KGD4: variants seen among roughly 807,000 people sequenced by gnomAD.
The protein encoded by KGD4 is alpha-ketoglutarate dehydrogenase component 4.
chr5:69,218,088 G>A, the KGD4 span: 2 of 672,558 alleles, frequency 3.0e-6, no homozygotes, highest in East Asian at 2.7e-5. Context: ...CGAGCCTTGC[G>A]GCAACCGTGC....
At chr5:69,224,290 C>G in the KGD4 span, among the ~76,000 whole-genome samples, 1 of 151,522 alleles carries the variant, frequency 6.6e-6, no homozygotes, top group Non-Finnish European at 1.5e-5. Flanking sequence ...ACTCAGGAGG[C>G]TGAGGCAGGA....
At chr5:69,225,936 G>C in the KGD4 span, among the ~76,000 whole-genome samples, 29 of 152,204 alleles carry the variant, frequency 1.9e-4, no homozygotes, top group African/African-American at 6.7e-4. Context: ...TCACCATGTT[G>C]CCCAGGCTGG....
chr5:69,220,099 T>C, the KGD4 span, among the ~76,000 whole-genome samples: 91,226 of 151,584 alleles, frequency 0.6, 27,948 homozygotes, highest in African/African-American at 0.72. Flanking sequence ...AGCATGGTGA[T>C]GTGCACCTGT....
the KGD4 span, among the ~76,000 whole-genome samples, chr5:69,220,743 A>G: frequency 6.6e-6 from 1 of 152,204 alleles, no homozygotes; most frequent in East Asian, 1.9e-4. Context: ...GTCGAAAAGA[A>G]AAGGGGGAAA....
At chr5:69,225,262 A>ATTTT in the KGD4 span, among the ~76,000 whole-genome samples, 2 of 104,296 alleles carry the variant, frequency 1.9e-5, no homozygotes, top group African/African-American at 3.7e-5. Flanking sequence ...ATAGCACCAC[A>ATTTT]TTTTTTTTTT....
the KGD4 span, among the ~76,000 whole-genome samples, chr5:69,220,075 T>TA: frequency 6.6e-6 from 1 of 150,562 alleles, no homozygotes. Flanking sequence ...ATAAAAATTT[T>TA]AAAAAATTAG....
the KGD4 span, chr5:69,228,194 T>A: frequency 6.6e-7 from 1 of 1,511,594 alleles, no homozygotes; most frequent in Non-Finnish European, 8.8e-7. Flanking sequence ...TTTTTTTTAA[T>A]TTCAGTATCA....
chr5:69,224,458 C>T, the KGD4 span, among the ~76,000 whole-genome samples: 92,313 of 151,714 alleles, frequency 0.61, 28,661 homozygotes, highest in African/African-American at 0.74. Context: ...TCTTTGTGCT[C>T]TTCTGTGTTC....
chr5:69,218,233 T>TG, the KGD4 span: 35 of 264,990 alleles, frequency 1.3e-4, no homozygotes, highest in African/African-American at 7.8e-4. Context: ...GGATTGGCTG[T>TG]GGTGCCCCCG....
the KGD4 span, chr5:69,228,294 T>C: frequency 2.5e-6 from 4 of 1,610,230 alleles, no homozygotes; most frequent in South Asian, 3.4e-5. Context: ...TGCTGATGTA[T>C]CAGGGTCCAC....
chr5:69,226,910 C>T, the KGD4 span, among the ~76,000 whole-genome samples: 2 of 151,894 alleles, frequency 1.3e-5, no homozygotes, highest in Non-Finnish European at 2.9e-5. Context: ...CTTGCTCTGT[C>T]GCCCAGGCTG....
chr5:69,220,327 A>T, the KGD4 span, among the ~76,000 whole-genome samples: 2 of 152,192 alleles, frequency 1.3e-5, no homozygotes, highest in African/African-American at 4.8e-5. Context: ...ACAAACTGAT[A>T]GGAAGTCACA....
chr5:69,228,648 G>T, the KGD4 span, among the ~76,000 whole-genome samples: 1 of 152,152 alleles, frequency 6.6e-6, no homozygotes, highest in Non-Finnish European at 1.5e-5. Context: ...TTTTCAGAGT[G>T]TAAAGAGCTT....
chr5:69,226,259 C>T, the KGD4 span: 311 of 960,322 alleles, frequency 3.2e-4, no homozygotes, highest in Middle Eastern at 1.5e-3. Flanking sequence ...TTTTAACAAA[C>T]GTATCTACTT....
At chr5:69,218,177 G>C in the KGD4 span, 1 of 426,994 alleles carries the variant, frequency 2.3e-6, no homozygotes, top group Non-Finnish European at 4.2e-6. Flanking sequence ...TCTTAGGCGT[G>C]TGCGGGTGAG....
At chr5:69,228,142 C>CT in the KGD4 span, 1 of 1,307,302 alleles carries the variant, frequency 7.6e-7, no homozygotes, top group African/African-American at 1.5e-5. Context: ...TTTTAAGACT[C>CT]AGTATTTTGA....
chr5:69,223,583 C>T, the KGD4 span, among the ~76,000 whole-genome samples: 69 of 90,336 alleles, frequency 7.6e-4, no homozygotes, highest in Non-Finnish European at 1.2e-3. Context: ...CAGTCTTATT[C>T]GTTACATAGC....
the KGD4 span, chr5:69,229,754 T>A: frequency 6.6e-6 from 1 of 152,392 alleles, no homozygotes; most frequent in South Asian, 2.1e-4. Context: ...TATATCCTAC[T>A]CTGAATGATA....
the KGD4 span, chr5:69,228,232 T>C: frequency 4.7e-5 from 75 of 1,599,364 alleles, 1 homozygote; most frequent in Middle Eastern, 1.3e-3. Flanking sequence ...AGGGCTACCA[T>C]CTCACTCTTC....
Sources: allele counts gnomAD v4.1 joint callset (sites outside exome capture counted in the v4.1 genomes callset), GRCh38; gene constraint gnomAD v4.1.1; transcripts MANE v1.5; gene names NCBI Gene and HGNC (gene_info 2026-07-23, HGNC 2026-07-21).